Variants in CTDSPL observed in about 807,000 individuals in gnomAD.
CTDSPL encodes CTD small phosphatase-like protein.
In CTDSPL, 8 loss-of-function variants were observed where a neutral mutation model predicts 30.5. That is an observed-to-expected ratio of 0.26 (90% confidence interval 0.15 to 0.47). The LOEUF is 0.47. CTDSPL is among the 20% of genes least tolerant of loss of function. The pLI, the probability that CTDSPL is intolerant of heterozygous loss-of-function variation, is 0.99. For missense variants in CTDSPL, 248 were observed against 366.1 expected (o/e 0.68, Z 2.63); for synonymous variants, 110 against 137.9 (o/e 0.80, Z 1.42).
Position 37,947,185 on chromosome 3 carries a change from G to C in CTDSPL, c.208G>C (p.Val70Leu). ...CAGCCCCAGTGTGCTTCCGCCACTGGTGGAGGAGAATGGTGGGCTTCAGAA... is the reference window on the plus strand; with the variant it reads ...CAGCCCCAGTGTGCTTCCGCCACTGCTGGAGGAGAATGGTGGGCTTCAGAA... Reference protein sequence around the residue: ...PSSPSVLPPLVEENGGLQKGD... With the variant: ...PSSPSVLPPLLEENGGLQKGD... Residue 70 changes from valine to leucine, a missense_variant, in exon 2 of 8, where the codon GTG becomes CTG. Transcript: ENST00000273179. 1.2e-6 allele frequency: 2 copies of C among 1,612,494 alleles called. No homozygotes were observed. The highest frequency in any genetic ancestry group is 1.7e-6 in the Non-Finnish European group (2 of 1,179,880).
chr3:37,945,108 G>A (rs905522795), intron 1 of CTDSPL, among the ~76,000 whole-genome samples: 2 of 150,352 alleles, frequency 1.3e-5, no homozygotes, highest in African/African-American at 4.8e-5. Context: ...TTTACTTGCA[G>A]AGGAATGTGC....
intron 4 of CTDSPL, among the ~76,000 whole-genome samples, chr3:37,966,835 C>A (rs9867519): frequency 6.3e-4 from 96 of 152,244 alleles, no homozygotes; most frequent in African/African-American, 2.3e-3. Context: ...CCTACCCCTG[C>A]CCAGAGGCCA....
chr3:37,949,748 G>A (rs1242453966), intron 2 of CTDSPL, among the ~76,000 whole-genome samples: 1 of 152,200 alleles, frequency 6.6e-6, no homozygotes, highest in Non-Finnish European at 1.5e-5. Context: ...GTATAGAAGG[G>A]AATTCTGGGA....
At chr3:37,924,475 T>A (rs879464581) in intron 1 of CTDSPL, among the ~76,000 whole-genome samples, 1 of 152,222 alleles carries the variant, frequency 6.6e-6, no homozygotes, top group Admixed American at 6.5e-5. Context: ...AACAATGGTG[T>A]ACAAGAGGGC....
At chr3:37,967,212 G>C (rs1475065662) in intron 4 of CTDSPL, among the ~76,000 whole-genome samples, 1 of 152,124 alleles carries the variant, frequency 6.6e-6, no homozygotes, top group Admixed American at 6.5e-5. Flanking sequence ...TACTGGACTG[G>C]GGCCATGGGC....
rs1443998526 is a variant in CTDSPL, at chr3:37,940,349, A to G, written c.80-6708A>G. On this transcript the variant is annotated intron_variant, in intron 1 of 7. Coordinates refer to ENST00000273179, the MANE Select transcript of CTDSPL (RefSeq NM_001008392.2). The stretch of plus-strand genomic sequence containing the variant: ...TTGAGAGACAATCCTTTCCATTTCA[A>G]ATCACATAAACCCAATTATATTGGC... Among the ~76,000 whole-genome samples, 3 of 150,408 alleles carry G rather than the reference A, an allele frequency of 2.0e-5. No individual in the cohort carries two copies. In the East Asian group the frequency reaches 5.8e-4, roughly 29 times the overall value.
rs1313651474 is a variant in CTDSPL at position 37,980,900 on chromosome 3, T to C, written c.*33T>C. 1.2e-6 allele frequency: 2 copies of C among 1,600,380 alleles called. No individual in the cohort carries two copies. The highest frequency in any genetic ancestry group is 1.7e-6 in the Non-Finnish European group (2 of 1,170,732). ...CTCTGCCTGCCTCCCGCCTGTGCAC[T>C]CTGGAACCTCTGGCCTCAGGGGACC... On this transcript the variant is annotated 3_prime_UTR_variant, in exon 8 of 8. Coordinates refer to ENST00000273179, the MANE Select transcript of CTDSPL (RefSeq NM_001008392.2).
At chr3:37,893,383 AAAGTC>A (rs1698352136) in intron 1 of CTDSPL, among the ~76,000 whole-genome samples, 1 of 152,208 alleles carries the variant, frequency 6.6e-6, no homozygotes. Context: ...AGAACTCATA[AAAGTC>A]AGAGCAGATG....
intron 1 of CTDSPL, among the ~76,000 whole-genome samples, chr3:37,932,920 A>C (rs546037855): frequency 6.6e-6 from 1 of 152,304 alleles, no homozygotes; most frequent in East Asian, 1.9e-4. Context: ...TGGGAGGCCG[A>C]GGCATGTGGA....
At chr3:37,970,750 A>G (rs1699357566) in intron 5 of CTDSPL, among the ~76,000 whole-genome samples, 1 of 152,220 alleles carries the variant, frequency 6.6e-6, no homozygotes, top group Admixed American at 6.5e-5. Flanking sequence ...CCCTCTGCTC[A>G]GAGACCCCTC....
At chr3:37,912,651 CT>C (rs1202243865) in intron 1 of CTDSPL, among the ~76,000 whole-genome samples, 1 of 152,216 alleles carries the variant, frequency 6.6e-6, no homozygotes, top group African/African-American at 2.4e-5. Flanking sequence ...TTGAAGGGAA[CT>C]TGGCACTATA....
intron 1 of CTDSPL, among the ~76,000 whole-genome samples, chr3:37,935,820 A>G (rs1218700841): frequency 6.6e-6 from 1 of 152,204 alleles, no homozygotes; most frequent in Admixed American, 6.5e-5. Flanking sequence ...AAAACCTACA[A>G]GAGTCCCAGG....
intron 1 of CTDSPL, among the ~76,000 whole-genome samples, chr3:37,876,600 G>A (rs1425679911): frequency 6.6e-6 from 1 of 152,136 alleles, no homozygotes; most frequent in Non-Finnish European, 1.5e-5. Flanking sequence ...TTTATTTGCT[G>A]TCCAAATAAC....
intron 7 of CTDSPL, among the ~76,000 whole-genome samples, chr3:37,977,398 C>T (rs1699440910): frequency 6.6e-6 from 1 of 152,150 alleles, no homozygotes; most frequent in African/African-American, 2.4e-5. Context: ...CCTTTCCTCC[C>T]CTTTTCTCTT....
intron 1 of CTDSPL, among the ~76,000 whole-genome samples, chr3:37,944,434 T>G (rs1487447935): frequency 6.7e-6 from 1 of 150,320 alleles, no homozygotes; most frequent in Non-Finnish European, 1.5e-5. Context: ...TACCAGTTTA[T>G]GAGCAAATCA....
intron 7 of CTDSPL, among the ~76,000 whole-genome samples, chr3:37,979,014 T>C (rs1240242958): frequency 3.9e-5 from 6 of 152,254 alleles, no homozygotes; most frequent in Admixed American, 3.9e-4. Context: ...CAACTCTTGA[T>C]TTCTAAAGAT....
At chr3:37,926,507 T>C (rs1247011927) in intron 1 of CTDSPL, among the ~76,000 whole-genome samples, 1 of 152,218 alleles carries the variant, frequency 6.6e-6, no homozygotes. Context: ...TTCTTGGAGG[T>C]GATTATTCCT....
chr3:37,954,201 CT>C (rs1452340772), intron 2 of CTDSPL, among the ~76,000 whole-genome samples: 2 of 152,198 alleles, frequency 1.3e-5, no homozygotes, highest in Non-Finnish European at 2.9e-5. Context: ...AAATAGAGGC[CT>C]TTAGAGGCAG....
chr3:37,910,115 G>A (rs2125605354), intron 1 of CTDSPL, among the ~76,000 whole-genome samples: 1 of 152,330 alleles, frequency 6.6e-6, no homozygotes, highest in East Asian at 1.9e-4. Context: ...TAAGGATTCA[G>A]TGAGGTAATG....
Sources: gnomAD v4.1 joint callset for allele counts (sites outside exome capture counted in the v4.1 genomes callset) on GRCh38, gnomAD v4.1.1 for gene constraint, MANE v1.5 for transcripts, NCBI Gene and HGNC (gene_info 2026-07-23, HGNC 2026-07-21) for gene names.